The following RIMS1 variants were observed in gnomAD, a reference collection of about 807,000 sequenced individuals.
RIMS1 encodes the protein regulating synaptic membrane exocytosis protein 1.
A neutral mutation model predicts 214.1 loss-of-function variants in RIMS1; 83 were observed. The observed-to-expected ratio is 0.39, with a 90% CI of 0.32 to 0.47. The LOEUF (loss-of-function observed/expected upper bound fraction) is 0.47, where lower values mean the gene tolerates loss of function less well. Among genes scored for constraint, RIMS1 ranks in the 20% least tolerant of loss-of-function variants. The pLI, the probability that RIMS1 is intolerant of heterozygous loss-of-function variation, is 0.99. For synonymous variants in RIMS1, 793 were observed against 786.8 expected (o/e 1.01, Z -0.13); for missense variants, 2,050 against 2,161.8 (o/e 0.95, Z 1.03).
chr6:72,068,371 AT>A (rs1368694777), intron 2 of RIMS1, among the ~76,000 whole-genome samples: 1 of 150,608 alleles, frequency 6.6e-6, no homozygotes, highest in Non-Finnish European at 1.5e-5. Flanking sequence ...CCACAAAAAA[AT>A]CATCGTGCTT....
intron 1 of RIMS1, among the ~76,000 whole-genome samples, chr6:71,912,975 C>T (rs1036795027): frequency 6.6e-6 from 1 of 152,068 alleles, no homozygotes; most frequent in East Asian, 1.9e-4. Flanking sequence ...TTTCACGCAC[C>T]ATCCTTTGTT....
chr6:72,301,629 C>A (rs150991940), intron 26 of RIMS1, among the ~76,000 whole-genome samples: 1 of 151,172 alleles, frequency 6.6e-6, no homozygotes, highest in African/African-American at 2.4e-5. Context: ...TTTAATAATA[C>A]GAAAGGGATA....
At chr6:72,119,470 A>T (rs929084373) in intron 4 of RIMS1, among the ~76,000 whole-genome samples, 11 of 151,778 alleles carry the variant, frequency 7.2e-5, no homozygotes, top group Non-Finnish European at 1.6e-4. Context: ...TTTATATGGA[A>T]CCAAAAAAGA....
intron 29 of RIMS1, among the ~76,000 whole-genome samples, chr6:72,355,317 A>G (rs946992730): frequency 9.8e-5 from 15 of 152,302 alleles, no homozygotes; most frequent in African/African-American, 2.9e-4. Flanking sequence ...ACCCTTAAAA[A>G]ATAGTTTATT....
rs188431321 is a variant in RIMS1 at position 71,973,798 on chromosome 6, G to A, written c.245+4735G>A. ...CCTCCAAGGGCCAATAGGAAGCTGG[G>A]AGCTGTCTTAGAAATACACGTGCAA... On this transcript the variant is annotated intron_variant, in intron 2 of 33. Transcript: ENST00000521978. Among the ~76,000 whole-genome samples the A allele has an allele frequency of 7.2e-4, 109 of 152,320 alleles. 1 individual carries two copies. Among genetic ancestry groups the A allele is most frequent in the Non-Finnish European group, 1.2e-3 (84 of 68,020 alleles).
At chr6:71,992,650 CT>C (rs1802203545) in intron 2 of RIMS1, among the ~76,000 whole-genome samples, 1 of 148,798 alleles carries the variant, frequency 6.7e-6, no homozygotes. Flanking sequence ...TCTTCCTCTT[CT>C]TTTTTCCTTT....
At chr6:71,932,931 G>C (rs1256043035) in intron 1 of RIMS1, among the ~76,000 whole-genome samples, 1 of 152,080 alleles carries the variant, frequency 6.6e-6, no homozygotes, top group East Asian at 1.9e-4. Context: ...ATTCCTTTTT[G>C]AAATACATTT....
intron 4 of RIMS1, among the ~76,000 whole-genome samples, chr6:72,166,885 A>G (rs2046344277): frequency 6.6e-6 from 1 of 152,130 alleles, no homozygotes; most frequent in Non-Finnish European, 1.5e-5. Flanking sequence ...TTCTGCAAAC[A>G]TGGATTTACT....
At chr6:72,247,767 G>T (rs955354870) in intron 11 of RIMS1, among the ~76,000 whole-genome samples, 3 of 152,072 alleles carry the variant, frequency 2.0e-5, no homozygotes, top group African/African-American at 7.2e-5. Flanking sequence ...TCATGCAAGA[G>T]CCTGTGCAAT....
At chr6:72,362,508 G>A (rs1489316222) in intron 29 of RIMS1, among the ~76,000 whole-genome samples, 2 of 151,992 alleles carry the variant, frequency 1.3e-5, no homozygotes, top group East Asian at 3.9e-4. Context: ...ACACTAAAAT[G>A]TATACTTATG....
chr6:72,055,767 T>C (rs1182132362), intron 2 of RIMS1, among the ~76,000 whole-genome samples: 1 of 152,182 alleles, frequency 6.6e-6, no homozygotes, highest in African/African-American at 2.4e-5. Flanking sequence ...AAATAACAGA[T>C]GCTGGTAAAG....
intron 4 of RIMS1, among the ~76,000 whole-genome samples, chr6:72,177,206 A>G (rs541156462): frequency 1.3e-5 from 2 of 152,170 alleles, no homozygotes; most frequent in African/African-American, 4.8e-5. Flanking sequence ...TATCCTAAGT[A>G]TACCTTGATA....
intron 6 of RIMS1, among the ~76,000 whole-genome samples, chr6:72,226,680 C>T (rs769505730): frequency 4.1e-4 from 62 of 152,088 alleles, no homozygotes; most frequent in African/African-American, 1.4e-3. Context: ...TTCAAGGAAA[C>T]ATTGTTAGGG....
chr6:71,999,055 A>G (rs1356410846), intron 2 of RIMS1, among the ~76,000 whole-genome samples: 1 of 152,040 alleles, frequency 6.6e-6, no homozygotes, highest in African/African-American at 2.4e-5. Context: ...TGTTTTTTCT[A>G]CTTTTTAATA....
intron 26 of RIMS1, among the ~76,000 whole-genome samples, chr6:72,301,190 T>G (rs2094567913): frequency 6.6e-6 from 1 of 151,702 alleles, no homozygotes; most frequent in Non-Finnish European, 1.5e-5. Flanking sequence ...AAAAGGATGT[T>G]ATAAGGGAAA....
At chr6:72,106,476 A>G (rs2034765581) in intron 4 of RIMS1, among the ~76,000 whole-genome samples, 1 of 152,206 alleles carries the variant, frequency 6.6e-6, no homozygotes, top group Non-Finnish European at 1.5e-5. Flanking sequence ...AATGTCAGTC[A>G]CTGAGCCAAT....
chr6:72,061,722 G>T lies in RIMS1; in HGVS notation c.246-35227G>T, dbSNP rs1329150835. Among the ~76,000 whole-genome samples, 3 of 152,344 alleles carry T rather than the reference G, an allele frequency of 2.0e-5. No homozygotes were observed. In the East Asian group the frequency reaches 5.8e-4, roughly 29 times the overall value. On this transcript the variant is annotated intron_variant, in intron 2 of 33. Transcript: ENST00000521978. ...AATAGCTGACTGTAAAATCAAAAGA[G>T]CCGCCAAAGGTGGTCAATGTATTAC...
rs528331694 is a variant in RIMS1, at chr6:71,968,921, C to A, written c.165-62C>A. On this transcript the variant is annotated intron_variant, in intron 1 of 33. Coordinates refer to ENST00000521978, the MANE Select transcript of RIMS1 (RefSeq NM_014989.7). The stretch of plus-strand genomic sequence containing the variant: ...TGTTTTTCAGTACCGTGTTTAATTT[C>A]TAGATGTGTTCTACCCTTTTTATAA... 4.5e-5 allele frequency: 65 copies of A among 1,458,408 alleles called. No individual in the cohort carries two copies. The African/African-American group carries it at 8.5e-4, about 19-fold the overall frequency. 90.3% of individuals were successfully genotyped at this position (1,458,408 alleles called of 1,614,324 possible). A position where few individuals can be genotyped will look rare whatever the true frequency, so the allele number is the denominator to read the frequency against.
chr6:71,941,642 G>T (rs1786193924), intron 1 of RIMS1, among the ~76,000 whole-genome samples: 1 of 152,084 alleles, frequency 6.6e-6, no homozygotes, highest in Non-Finnish European at 1.5e-5. Flanking sequence ...ATCTCCAGCT[G>T]GTGGAGCTAG....
Sources: allele counts gnomAD v4.1 joint callset (sites outside exome capture counted in the v4.1 genomes callset), GRCh38; gene constraint gnomAD v4.1.1; transcripts MANE v1.5; gene names NCBI Gene and HGNC (gene_info 2026-07-23, HGNC 2026-07-21).